LONRF3: variants seen among roughly 807,000 people sequenced by gnomAD.
LONRF3 encodes the protein LON peptidase N-terminal domain and ring finger 3.
LONRF3 carries 19 observed loss-of-function variants against 51.7 expected under a neutral mutation model. That is an observed-to-expected ratio of 0.37 (90% CI 0.26 to 0.54). LONRF3 has a LOEUF of 0.54. Ranked by LOEUF, LONRF3 falls within the 20% of genes least tolerant of loss-of-function variation. The probability of loss-of-function intolerance (pLI) is 0.86; values close to 1 mark genes in which losing one functional copy is unlikely to be tolerated. For missense variants in LONRF3, 521 were observed against 623.9 expected (o/e 0.84, Z 1.76); for synonymous variants, 265 against 257.8 (o/e 1.03, Z -0.27).
At position 119,011,999 on chromosome X, in the gene LONRF3, G is replaced by T. The variant is rs376884206; in HGVS notation, c.1811+26G>T. ...GTAAGTGAGGAGCCATGCGAGCAAA[G>T]GGAGGTTGTGTAATGAGGGATTTCT... On this transcript the variant is annotated intron_variant, in intron 8 of 10. Coordinates refer to ENST00000371628, the MANE Select transcript of LONRF3 (RefSeq NM_001031855.3). 9.8e-5 allele frequency: 118 copies of T among 1,204,209 alleles called. 1 individual carries two copies. In the Admixed American group the frequency reaches 2.5e-3, roughly 26 times the overall value.
Position 118,990,364 on chromosome X carries a change from G to A in LONRF3, c.1325-106G>A. On this transcript the variant is annotated intron_variant, in intron 4 of 10. Coordinates refer to ENST00000371628, the MANE Select transcript of LONRF3 (RefSeq NM_001031855.3). ...CTAAATCAACTCTCTGGGAGGTGGT[G>A]GTGAGAGTGGCAAACTGAAAAACGC... 1.2e-5 allele frequency: 7 copies of A among 579,644 alleles called. No individual in the cohort carries two copies. In the South Asian group the frequency reaches 1.8e-4, roughly 15 times the overall value. The allele number at this position is 579,644 out of a possible 1,213,427, so 47.8% of individuals were successfully genotyped here.
At chrX:119,006,398 C>CTTTTTTT (rs1042593971) in intron 6 of LONRF3, among the ~76,000 whole-genome samples, 163 bp downstream of exon 6, 7 of 86,723 alleles carry the variant, frequency 8.1e-5, no homozygotes, top group African/African-American at 1.4e-4. Flanking sequence ...CTCCTGTCTT[C>CTTTTTTT]TTTTTTTTTT....
At chrX:119,006,041 C>A in intron 5 of LONRF3, 80 bp from the exon 6 acceptor site, 1 of 561,999 alleles carries the variant, frequency 1.8e-6, no homozygotes, top group Non-Finnish European at 2.9e-6. Flanking sequence ...CTAAATAATG[C>A]TTTAAAAACT....
In LONRF3 at chrX:118,990,490, G is replaced by A; in HGVS notation, c.1345G>A (p.Asp449Asn). 1 of 1,210,709 alleles carries A rather than the reference G, an allele frequency of 8.3e-7. No homozygotes were observed. The highest frequency in any genetic ancestry group is 3.0e-5 in the East Asian group (1 of 33,845). The change falls in exon 5 of 11, where the codon GAC becomes AAC. Residue 449 changes from aspartate to asparagine, a missense_variant. Physicochemically the swap from Asp to Asn is conservative, Grantham distance 23. This residue lies in a region of LONRF3 where 376 missense variants were observed against 376.7 expected (regional missense o/e 1.00). Coordinates refer to ENST00000371628, the MANE Select transcript of LONRF3 (RefSeq NM_001031855.3). ...CGCAGATCCTCCCACTGATCAGGGG[G>A]ACAAACCTGCTCTCAGTTTACCACT... ...SKQDPPTDQG[D>N]KPALSLPLAS...
chrX:118,985,085 A>G (rs1371370505), intron 3 of LONRF3, among the ~76,000 whole-genome samples: 1 of 112,132 alleles, frequency 8.9e-6, no homozygotes, highest in East Asian at 2.8e-4. Flanking sequence ...TTGTTTTCCA[A>G]TGCCATTGAG....
intron 10 of LONRF3, among the ~76,000 whole-genome samples, chrX:119,016,583 G>A (rs775707202): frequency 1.8e-5 from 2 of 111,347 alleles, no homozygotes; most frequent in East Asian, 5.6e-4. Context: ...TCCTGACCTC[G>A]TGATCCACCC....
chrX:118,975,740 G>C, intron 1 of LONRF3, 143 bp downstream of exon 1: 2 of 423,874 alleles, frequency 4.7e-6, no homozygotes. Flanking sequence ...GGGTGGGGGA[G>C]GGGTGATTCT....
At chrX:119,013,924 GC>G (rs1925275069) in intron 9 of LONRF3, among the ~76,000 whole-genome samples, 1 of 111,795 alleles carries the variant, frequency 8.9e-6, no homozygotes, top group African/African-American at 3.3e-5. Context: ...TTAACCACAT[GC>G]CTCCACTCAG....
chrX:118,995,327 G>A (rs1923791101), intron 5 of LONRF3, among the ~76,000 whole-genome samples: 1 of 111,731 alleles, frequency 9.0e-6, no homozygotes, highest in Non-Finnish European at 1.9e-5. Context: ...AAACCTCTGG[G>A]ATACAGCAAA....
At chrX:118,994,336 A>T (rs769013837) in intron 5 of LONRF3, among the ~76,000 whole-genome samples, 1 of 111,695 alleles carries the variant, frequency 9.0e-6, no homozygotes, top group East Asian at 2.8e-4. Context: ...TAAAGGGGTG[A>T]AAAAAAGGCG....
At chrX:118,979,947 G>C (rs1039064162) in intron 2 of LONRF3, among the ~76,000 whole-genome samples, 2 of 112,278 alleles carry the variant, frequency 1.8e-5, no homozygotes, top group African/African-American at 6.5e-5. Context: ...TAGAAGATTA[G>C]ATTTGAGCCT....
In LONRF3 at chrX:118,975,180, G is replaced by C; in HGVS notation, c.400G>C (p.Gly134Arg). 2.5e-6 allele frequency: 3 copies of C among 1,178,608 alleles called. No homozygotes were observed. In the Admixed American group the frequency reaches 7.4e-5, roughly 29 times the overall value. The change falls in exon 1 of 11, where the codon GGC (glycine) becomes CGC (arginine). Residue 134 changes from glycine (G) to arginine (R), a missense_variant. By Grantham distance (125) the Gly-to-Arg change is moderately radical. Coordinates refer to ENST00000371628, the MANE Select transcript of LONRF3 (RefSeq NM_001031855.3). Reference protein sequence around the residue: ...APPDEGSTASGTVAAEETGAA... With the variant: ...APPDEGSTASRTVAAEETGAA... ...CCCGGACGAGGGTAGCACTGCAAGC[G>C]GCACCGTGGCGGCGGAAGAGACGGG...
Position 118,974,984 on chromosome X carries a change from A to T in LONRF3, c.204A>T (p.Lys68Asn). Reference protein sequence around the residue: ...QSPGTSTPESKVLLTQADALA... With the variant: ...QSPGTSTPESNVLLTQADALA... ...CGGGGACCTCAACGCCGGAGAGCAA[A>T]GTCCTGCTCACGCAGGCAGACGCCT... is the stretch of plus-strand genomic sequence containing the variant. The change falls in exon 1 of 11, where the codon AAA becomes AAT. Residue 68 changes from lysine to asparagine, a missense_variant. By Grantham distance (94) the Lys-to-Asn change is moderately conservative. Coordinates refer to ENST00000371628, the MANE Select transcript of LONRF3 (RefSeq NM_001031855.3). The T allele has an allele frequency of 8.5e-7, 1 of 1,174,512 alleles. No individual in the cohort carries two copies. The highest frequency in any genetic ancestry group is 1.1e-6 in the Non-Finnish European group (1 of 876,717).
At chrX:118,978,909 T>C (rs1922303060) in intron 2 of LONRF3, among the ~76,000 whole-genome samples, 2 of 110,932 alleles carry the variant, frequency 1.8e-5, no homozygotes, top group African/African-American at 6.6e-5. Context: ...TAGAACAGTG[T>C]CTGGCATGTA....
rs993704276 is a variant in LONRF3 at position 118,975,219 on chromosome X, G to T, written c.439G>T (p.Ala147Ser). 2.5e-6 allele frequency: 3 copies of T among 1,178,139 alleles called. No homozygotes were observed. Among genetic ancestry groups the T allele is most frequent in the Non-Finnish European group, 3.4e-6 (3 of 881,609 alleles). ...GGAAGAGACGGGGGCCGCCGCGGCT[G>T]CGGCGGCCACCGAGGTGTGGGACGG... ...AAEETGAAAAAAATEVWDGFK... is the reference protein window; with the variant it reads ...AAEETGAAAASAATEVWDGFK... Residue 147 changes from alanine (A) to serine (S), a missense_variant, in exon 1 of 11, where the codon GCG becomes TCG. By Grantham distance (99) the Ala-to-Ser change is moderately conservative (BLOSUM62 1). Coordinates refer to ENST00000371628, the MANE Select transcript of LONRF3 (RefSeq NM_001031855.3).
intron 5 of LONRF3, among the ~76,000 whole-genome samples, chrX:119,001,892 A>G (rs1924343034): frequency 8.9e-6 from 1 of 112,584 alleles, no homozygotes; most frequent in Non-Finnish European, 1.9e-5. Flanking sequence ...CCAATTGCAA[A>G]ATTCTCAGGA....
rs1354728015 is a variant in LONRF3 at position 118,987,448 on chromosome X, T to TTTTTG, written c.1060-1956_1060-1955insGTTTT. On this transcript the variant is annotated intron_variant, in intron 3 of 10. Transcript: ENST00000371628. ...ACGTGCCACCATGCCTGGCTAAGTT[T>TTTTTG]TTTTTTTTTTTTTTTTTTTTTTTTT... is the stretch of plus-strand genomic sequence containing the variant. Among the ~76,000 whole-genome samples the TTTTTG allele has an allele frequency of 7.3e-3, 575 of 78,957 alleles. 12 individuals carry two copies. The highest frequency in any genetic ancestry group is 0.027 in the African/African-American group (548 of 20,644). 68.6% of individuals were successfully genotyped at this position (78,957 alleles called of 115,157 possible). A position where few individuals can be genotyped will look rare whatever the true frequency, so the allele number is the denominator to read the frequency against.
intron 7 of LONRF3, among the ~76,000 whole-genome samples, chrX:119,010,577 C>A (rs1013152971): frequency 9.0e-6 from 1 of 111,273 alleles, no homozygotes; most frequent in Non-Finnish European, 1.9e-5. Flanking sequence ...TCTCTGAGCC[C>A]TCATCTCAAA....
At chrX:118,989,156 A>G (rs1466102173) in intron 3 of LONRF3, among the ~76,000 whole-genome samples, 2 of 111,391 alleles carry the variant, frequency 1.8e-5, no homozygotes, top group Admixed American at 9.5e-5. Flanking sequence ...CTCCTCCTAC[A>G]TACCTTCCTG....
Sources: allele counts gnomAD v4.1 joint callset (sites outside exome capture counted in the v4.1 genomes callset), GRCh38; gene constraint gnomAD v4.1.1; regional missense constraint gnomAD v4.1.1; transcripts MANE v1.5; gene names NCBI Gene and HGNC (gene_info 2026-07-23, HGNC 2026-07-21).